BTBD9: variants seen among roughly 807,000 people sequenced by gnomAD.
BTBD9 encodes the protein BTB domain containing 9.
Under a neutral mutation model 64.3 loss-of-function variants are expected in BTBD9, and 49 were observed. The ratio of observed to expected loss-of-function variants is 0.76; its 90% CI spans 0.61 to 0.97. The LOEUF is 0.97. Among genes scored for constraint, BTBD9 ranks in the 50% least tolerant of loss-of-function variants. The probability of loss-of-function intolerance (pLI) is 0.00; values close to 1 mark genes in which losing one functional copy is unlikely to be tolerated. For missense variants in BTBD9, 598 were observed against 762.1 expected, an observed-to-expected ratio of 0.78 and a Z score of 2.53; for synonymous variants, 260 against 274.7, an observed-to-expected ratio of 0.95 and a Z score of 0.53.
At chr6:38,347,018 T>G (rs1340296201) in intron 6 of BTBD9, among the ~76,000 whole-genome samples, 8 of 152,220 alleles carry the variant, frequency 5.3e-5, no homozygotes, top group Admixed American at 5.2e-4. Flanking sequence ...TGGCGGTTCT[T>G]AAGGTTAATA....
chr6:38,318,090 T>C (rs374751829), intron 7 of BTBD9, among the ~76,000 whole-genome samples: 224 of 152,252 alleles, frequency 1.5e-3, no homozygotes, highest in African/African-American at 4.9e-3. Flanking sequence ...AGACAAGGTT[T>C]CACCATGTTG....
Position 38,245,948 on chromosome 6 carries a change from C to T in BTBD9, c.1562+10461G>A, listed in dbSNP as rs115337749. Among the ~76,000 whole-genome samples, 1,012 of 152,204 alleles carry T rather than the reference C, an allele frequency of 6.6e-3. 3 individuals are homozygous for T. Among genetic ancestry groups the T allele is most frequent in the Non-Finnish European group, 0.011 (731 of 68,016 alleles). On this transcript the variant is annotated intron_variant, in intron 9 of 10. Transcript: ENST00000481247. ...GGCATGGAAAAAATTATTACCCTCA[C>T]AGAATAACGTGGCTCCTGGGTTAAG...
chr6:38,196,573 G>T (rs374155098), intron 9 of BTBD9, among the ~76,000 whole-genome samples: 2 of 152,186 alleles, frequency 1.3e-5, no homozygotes, highest in Admixed American at 6.5e-5. Context: ...CTGGGCTTTG[G>T]AAGAATTAAA....
At chr6:38,618,233 C>T (rs1156906147) in intron 1 of BTBD9, among the ~76,000 whole-genome samples, 1 of 152,210 alleles carries the variant, frequency 6.6e-6, no homozygotes, top group Non-Finnish European at 1.5e-5. Flanking sequence ...AAAGCAGCAG[C>T]TTATTTTTTT....
chr6:38,530,056 G>T (rs754589131), intron 6 of BTBD9, among the ~76,000 whole-genome samples: 6 of 152,088 alleles, frequency 3.9e-5, no homozygotes, highest in Non-Finnish European at 7.4e-5. Context: ...GCATTCCTGG[G>T]GAGAGGTCTA....
At chr6:38,303,930 C>T (rs867015060) in intron 7 of BTBD9, among the ~76,000 whole-genome samples, 13 of 115,672 alleles carry the variant, frequency 1.1e-4, no homozygotes, top group African/African-American at 3.8e-4. Context: ...TATATATATA[C>T]ACGTGTGTGT....
chr6:38,550,531 T>C (rs1314351907), intron 6 of BTBD9, among the ~76,000 whole-genome samples: 5 of 152,090 alleles, frequency 3.3e-5, no homozygotes, highest in Non-Finnish European at 5.9e-5. Flanking sequence ...TTAGCCAGGA[T>C]GGTCTCAATC....
intron 6 of BTBD9, among the ~76,000 whole-genome samples, chr6:38,366,873 A>T (rs966204898): frequency 2.0e-5 from 3 of 152,194 alleles, no homozygotes; most frequent in Admixed American, 1.3e-4. Context: ...TATTGTTGCT[A>T]TTGCAATTTC....
intron 9 of BTBD9, among the ~76,000 whole-genome samples, chr6:38,221,369 TCACCCAGC>T (rs1234693664): frequency 6.6e-6 from 1 of 152,084 alleles, no homozygotes; most frequent in East Asian, 1.9e-4. Context: ...TTTCCTGTAA[TCACCCAGC>T]CACCTCCTGT....
chr6:38,497,884 A>G (rs1219777568), intron 6 of BTBD9, among the ~76,000 whole-genome samples: 4 of 152,226 alleles, frequency 2.6e-5, no homozygotes, highest in African/African-American at 9.6e-5. Flanking sequence ...GCTAGGCTAC[A>G]GTCAAACTGC....
At chr6:38,461,553 C>T (rs986447989) in intron 6 of BTBD9, among the ~76,000 whole-genome samples, 2 of 152,102 alleles carry the variant, frequency 1.3e-5, no homozygotes, top group Admixed American at 6.5e-5. Context: ...AAACACAATT[C>T]GTTTTATCTG....
chr6:38,258,055 G>T (rs141893866), intron 8 of BTBD9, among the ~76,000 whole-genome samples: 6 of 151,678 alleles, frequency 4.0e-5, no homozygotes, highest in Admixed American at 1.3e-4. Flanking sequence ...GCGCGATCTC[G>T]GCTCATTGCA....
intron 6 of BTBD9, among the ~76,000 whole-genome samples, chr6:38,424,223 C>G (rs1768040555): frequency 6.6e-6 from 1 of 151,928 alleles, no homozygotes; most frequent in South Asian, 2.1e-4. Flanking sequence ...ATAAAAGTCT[C>G]TGGTTCCTTT....
chr6:38,627,099 T>C lies in BTBD9; in HGVS notation c.-28+12701A>G, dbSNP rs1375927342. Among the ~76,000 whole-genome samples, 3 of 152,166 alleles carry C rather than the reference T, an allele frequency of 2.0e-5. No individual in the cohort carries two copies. In the East Asian group the frequency reaches 5.8e-4, roughly 29 times the overall value. ...AAATGCATACAAGATTATTACCACT[T>C]TAAAGCAGCAAATGAACTATCTGAG... On this transcript the variant is annotated intron_variant, in intron 1 of 10. Coordinates refer to ENST00000481247, the MANE Select transcript of BTBD9 (RefSeq NM_001099272.2).
chr6:38,393,882 A>G (rs1191375266), intron 6 of BTBD9, among the ~76,000 whole-genome samples: 2 of 152,222 alleles, frequency 1.3e-5, no homozygotes, highest in Non-Finnish European at 2.9e-5. Context: ...GAAAGAGAAG[A>G]AAGGAGAAAG....
At chr6:38,398,714 C>A (rs957483228) in intron 6 of BTBD9, among the ~76,000 whole-genome samples, 6 of 152,190 alleles carry the variant, frequency 3.9e-5, no homozygotes, top group Non-Finnish European at 7.3e-5. Flanking sequence ...TAGCTAATGG[C>A]TGAAATAGAG....
chr6:38,417,955 A>T (rs1767750255), intron 6 of BTBD9, among the ~76,000 whole-genome samples: 1 of 152,214 alleles, frequency 6.6e-6, no homozygotes, highest in African/African-American at 2.4e-5. Flanking sequence ...AAGATTTTTT[A>T]AAAGGCACAC....
chr6:38,634,782 G>T (rs190736256), intron 1 of BTBD9, among the ~76,000 whole-genome samples: 1 of 152,274 alleles, frequency 6.6e-6, no homozygotes, highest in East Asian at 1.9e-4. Context: ...ACAGTATTAA[G>T]CAGCTTCAAA....
intron 7 of BTBD9, among the ~76,000 whole-genome samples, chr6:38,301,985 T>C (rs1310057957): frequency 3.3e-5 from 5 of 152,204 alleles, no homozygotes; most frequent in Admixed American, 3.3e-4. Flanking sequence ...CTGCTTTCTC[T>C]TGTGGGCATT....
Sources: allele counts gnomAD v4.1 joint callset (sites outside exome capture counted in the v4.1 genomes callset), GRCh38; gene constraint gnomAD v4.1.1; transcripts MANE v1.5; gene names NCBI Gene and HGNC (gene_info 2026-07-23, HGNC 2026-07-21).